TGIF1: variants seen among roughly 807,000 people sequenced by gnomAD.
The protein encoded by TGIF1 is TGFB induced factor homeobox 1.
A neutral mutation model predicts 19.3 loss-of-function variants in TGIF1; 4 were observed. The observed-to-expected ratio is 0.21, with a 90% confidence interval of 0.10 to 0.47. The LOEUF is 0.47. Ranked by LOEUF, TGIF1 falls within the 20% of genes least tolerant of loss-of-function variation. The pLI, the probability that TGIF1 is intolerant of heterozygous loss-of-function variation, is 0.98. For missense variants in TGIF1, 275 were observed against 341.4 expected (o/e 0.81, Z 1.53); for synonymous variants, 122 against 129.3 (o/e 0.94, Z 0.38).
chr18:3,445,138 G>A (rs1407365659), intron 2 of TGIF1, among the ~76,000 whole-genome samples: 7 of 152,174 alleles, frequency 4.6e-5, no homozygotes, highest in Non-Finnish European at 2.9e-5. Context: ...TGAGCCACAC[G>A]ATGGCAGCGG....
At chr18:3,423,930 T>C (rs1051847366) in intron 2 of TGIF1, among the ~76,000 whole-genome samples, 1 of 151,874 alleles carries the variant, frequency 6.6e-6, no homozygotes, top group African/African-American at 2.4e-5. Flanking sequence ...TGTTGAGAGG[T>C]AGAGAGAATT....
chr18:3,452,430 G>A (rs898986800), intron 1 of TGIF1: 2 of 1,612,084 alleles, frequency 1.2e-6, no homozygotes, highest in African/African-American at 1.3e-5. Flanking sequence ...GGCTCTTTGG[G>A]GGAGCCGAGG....
At chr18:3,446,502 C>T (rs55885555), upstream of TGIF1, among the ~76,000 whole-genome samples, 503 of 152,212 alleles carry the variant, frequency 3.3e-3, 7 homozygotes, top group African/African-American at 0.011. Context: ...CGTTTTATCC[C>T]CTGGATTCCA....
At chr18:3,449,538 T>TGGGCCC, upstream of TGIF1, 2 of 961,938 alleles carry the variant, frequency 2.1e-6, no homozygotes, top group Non-Finnish European at 2.5e-6. Context: ...GTCTCATCAT[T>TGGGCCC]CCCCCCCGCC....
rs975382006 is a variant in TGIF1, at chr18:3,456,059, A to G, written c.17-295A>G. The G allele has an allele frequency of 9.0e-6, 4 of 445,882 alleles. No individual in the cohort carries two copies. The highest frequency in any genetic ancestry group is 4.2e-5 in the South Asian group (2 of 47,116). 27.6% of individuals were successfully genotyped at this position (445,882 alleles called of 1,614,324 possible). On this transcript the variant is annotated intron_variant, in intron 1 of 2. Coordinates refer to ENST00000343820, the MANE Select transcript of TGIF1 (RefSeq NM_003244.4). This position sits in a 1 kb window ranked among gnomAD's most constrained non-coding sequence, Gnocchi z 4.2. ...TTTTGGGTGCAGTTTGTCTCCTCCAATGATTAGACGAAAGAGTTTTCTGAC... is the reference window on the plus strand; with the variant it reads ...TTTTGGGTGCAGTTTGTCTCCTCCAGTGATTAGACGAAAGAGTTTTCTGAC...
chr18:3,424,882 T>C (rs1315934675), intron 2 of TGIF1, among the ~76,000 whole-genome samples: 1 of 152,226 alleles, frequency 6.6e-6, no homozygotes, highest in Non-Finnish European at 1.5e-5. Flanking sequence ...CCTTGCCCTA[T>C]GCATCTCTTC....
At chr18:3,442,161 T>A (rs1007963235) in intron 2 of TGIF1, among the ~76,000 whole-genome samples, 7 of 152,256 alleles carry the variant, frequency 4.6e-5, no homozygotes, top group Middle Eastern at 3.2e-3. Context: ...TCTTCCTTTA[T>A]GTCTCTCAGT....
Position 3,458,334 on chromosome 18 carries a change from AT to A in TGIF1, c.*402del, listed in dbSNP as rs1458295843. 2.4e-5 allele frequency: 4 copies of A among 165,466 alleles called. No homozygotes were observed. Among genetic ancestry groups the A allele is most frequent in the Admixed American group, 6.0e-5 (1 of 16,690 alleles). The allele number at this position is 165,466 out of a possible 1,614,324, so 10.2% of individuals were successfully genotyped here. On this transcript the variant is annotated 3_prime_UTR_variant, in exon 3 of 3. Transcript: ENST00000343820. ...ATACTGTCTAATTAATAAATTTTCC[AT>A]TTTTTTTCAAACAAGTATGAATCTA...
intron 1 of TGIF1, chr18:3,455,286 T>C (rs1171785028): frequency 6.6e-6 from 1 of 152,108 alleles, no homozygotes; most frequent in Admixed American, 6.6e-5. Context: ...TGTTATTTAA[T>C]TTTTTTTAAG....
chr18:3,422,185 C>G (rs2082407618), intron 2 of TGIF1, among the ~76,000 whole-genome samples: 1 of 76,368 alleles, frequency 1.3e-5, no homozygotes, highest in African/African-American at 7.4e-5. Flanking sequence ...CAGAGTGAGA[C>G]ACCGTAAAAA....
At chr18:3,448,717 C>CTTTTTTTTTTTTTTTTTTTTTTT (rs869086299), upstream of TGIF1, 29 of 244,870 alleles carry the variant, frequency 1.2e-4, 2 homozygotes, top group African/African-American at 1.1e-3. Context: ...GCGGGGGTGT[C>CTTTTTTTTTTTTTTTTTTTTTTT]TTTTTTTTTT....
At chr18:3,448,717 CT>C (rs869086299), upstream of TGIF1, 85,151 of 252,814 alleles carry the variant, frequency 0.34, 6,940 homozygotes, top group Non-Finnish European at 0.35. Flanking sequence ...GCGGGGGTGT[CT>C]TTTTTTTTTT....
At chr18:3,427,049 T>C (rs558038004) in intron 2 of TGIF1, among the ~76,000 whole-genome samples, 1 of 151,800 alleles carries the variant, frequency 6.6e-6, no homozygotes, top group South Asian at 2.1e-4. Context: ...GTTCAAGCGA[T>C]TCTCCTGCCT....
chr18:3,422,479 G>A (rs1285123801), intron 2 of TGIF1, among the ~76,000 whole-genome samples: 1 of 151,258 alleles, frequency 6.6e-6, no homozygotes, highest in African/African-American at 2.4e-5. Flanking sequence ...GTAAGGTAAA[G>A]TTAATTTATT....
At chr18:3,448,886 A>G (rs1384855188), upstream of TGIF1, among the ~76,000 whole-genome samples, 6 of 152,032 alleles carry the variant, frequency 3.9e-5, no homozygotes, top group Non-Finnish European at 7.4e-5. Flanking sequence ...TTACCGAACA[A>G]AAACAGCACA....
upstream of TGIF1, among the ~76,000 whole-genome samples, chr18:3,447,073 C>T (rs935648905): frequency 2.0e-5 from 3 of 152,162 alleles, no homozygotes; most frequent in Non-Finnish European, 4.4e-5. Context: ...TATTTGAGTT[C>T]TTGCCTTTGA....
rs113035228 is a variant in TGIF1, at chr18:3,433,935, A to C, written c.-45+15720A>C. Among the ~76,000 whole-genome samples the C allele has an allele frequency of 2.0e-5, 3 of 152,310 alleles. No homozygotes were observed. The South Asian group carries it at 6.2e-4, about 32-fold the overall frequency. ...ATACAAAAAAAGTAAATGAGGGTTC[A>C]CAGTCCCAGGTTTATACTTTAACTA... On this transcript the variant is annotated intron_variant, in intron 2 of 3. Coordinates refer to the TGIF1 transcript ENST00000401449.
At chr18:3,437,483 G>C (rs985824984) in intron 2 of TGIF1, among the ~76,000 whole-genome samples, 3 of 152,184 alleles carry the variant, frequency 2.0e-5, no homozygotes, top group Admixed American at 6.5e-5. Context: ...CATTTTTAAT[G>C]ATTACCATTT....
intron 2 of TGIF1, among the ~76,000 whole-genome samples, chr18:3,423,325 T>G (rs1016761419): frequency 3.3e-5 from 5 of 151,700 alleles, no homozygotes; most frequent in Non-Finnish European, 7.4e-5. Flanking sequence ...GGCAGGAGGG[T>G]CCCTTGAGCC....
Sources: gnomAD v4.1 joint callset for allele counts (sites outside exome capture counted in the v4.1 genomes callset) on GRCh38, gnomAD v4.1.1 for gene constraint, Gnocchi (gnomAD v3.1) non-coding constraint, MANE v1.5 for transcripts, NCBI Gene and HGNC (gene_info 2026-07-23, HGNC 2026-07-21) for gene names.